FUT9: variants seen among roughly 807,000 people sequenced by gnomAD.
The protein encoded by FUT9 is fucosyltransferase 9, also known as 4-galactosyl-N-acetylglucosaminide 3-alpha-L-fucosyltransferase 9.
A neutral mutation model predicts 29.7 loss-of-function variants in FUT9; 15 were observed. That is an observed-to-expected ratio of 0.51 (90% CI 0.34 to 0.78). The LOEUF is 0.78. FUT9 is among the 30% of genes least tolerant of loss of function. FUT9 has a pLI of 0.01. For synonymous variants in FUT9, 169 were observed against 153.7 expected, an observed-to-expected ratio of 1.10 and a Z score of -0.74; for missense variants, 319 against 425.4, an observed-to-expected ratio of 0.75 and a Z score of 2.20.
At chr6:96,200,988 T>A (rs975487080) in intron 2 of FUT9, among the ~76,000 whole-genome samples, 8 of 152,036 alleles carry the variant, frequency 5.3e-5, no homozygotes, top group South Asian at 4.1e-4. Flanking sequence ...TTTTTTTTTT[T>A]AAACAAAGTC....
intron 2 of FUT9, among the ~76,000 whole-genome samples, chr6:96,153,129 T>A (rs993907671): frequency 1.4e-5 from 2 of 147,430 alleles, no homozygotes; most frequent in Admixed American, 6.7e-5. Context: ...GATATAAAAT[T>A]GGGGTACTTA....
chr6:96,026,337 A>G (rs1185872371), intron 1 of FUT9, among the ~76,000 whole-genome samples: 1 of 151,678 alleles, frequency 6.6e-6, no homozygotes, highest in Non-Finnish European at 1.5e-5. Flanking sequence ...TAAGATAGAA[A>G]ATAAGAAGGA....
At chr6:96,066,458 A>AACCACAAGTATGATATTATCATTTGGT (rs1770963620) in intron 1 of FUT9, among the ~76,000 whole-genome samples, 1 of 152,050 alleles carries the variant, frequency 6.6e-6, no homozygotes, top group Non-Finnish European at 1.5e-5. Flanking sequence ...TGGCTTATTT[A>AACCACAAGTATGATATTATCATTTGGT]ACCACAAGTA....
At chr6:96,160,218 C>A (rs895294187) in intron 2 of FUT9, among the ~76,000 whole-genome samples, 2 of 152,090 alleles carry the variant, frequency 1.3e-5, no homozygotes, top group Non-Finnish European at 2.9e-5. Context: ...CTGGGAATTC[C>A]GAAATCTGTG....
At chr6:96,109,092 T>G (rs903592236) in intron 1 of FUT9, among the ~76,000 whole-genome samples, 1 of 152,220 alleles carries the variant, frequency 6.6e-6, no homozygotes. Flanking sequence ...CATGACCTCT[T>G]TTGGCAGCAA....
intron 1 of FUT9, among the ~76,000 whole-genome samples, chr6:96,071,091 A>G (rs1437945287): frequency 6.6e-6 from 1 of 152,242 alleles, no homozygotes; most frequent in Non-Finnish European, 1.5e-5. Flanking sequence ...CATATTGGAT[A>G]AAAATTCTTT....
intron 1 of FUT9, among the ~76,000 whole-genome samples, chr6:96,098,171 T>A (rs1215685408): frequency 6.6e-6 from 1 of 152,124 alleles, no homozygotes; most frequent in African/African-American, 2.4e-5. Flanking sequence ...TTTTAGTTGC[T>A]TCTTAGATCT....
At position 96,213,184 on chromosome 6, in the gene FUT9, G is replaced by C. The variant is rs1486416737; in HGVS notation, c.*8949G>C. 1 of 166,868 alleles carries C rather than the reference G, an allele frequency of 6.0e-6. No individual in the cohort carries two copies. The highest frequency in any genetic ancestry group is 1.5e-5 in the Non-Finnish European group (1 of 68,010). The allele number at this position is 166,868 out of a possible 1,614,324, so 10.3% of individuals were successfully genotyped here. ...AATGTGTAATTGCTTCAGGAGCTCT[G>C]AATAAAAGGTTGCTGAAGCAAAATA... is the stretch of plus-strand genomic sequence containing the variant. On this transcript the variant is annotated 3_prime_UTR_variant, in exon 3 of 3. Transcript: ENST00000302103.
At position 96,152,722 on chromosome 6, in the gene FUT9, A is replaced by T. The variant is rs150096632; in HGVS notation, c.-9+38595A>T. On this transcript the variant is annotated intron_variant, in intron 2 of 2. Transcript: ENST00000302103. ...CTCTATGTAGTCATTTTGGACTATG[A>T]TTTGTTGTAAGACTTTGCCTACGAA... Among the ~76,000 whole-genome samples the T allele has an allele frequency of 9.8e-4, 150 of 152,314 alleles. 1 individual carries two copies. The highest frequency in any genetic ancestry group is 7.2e-3 in the East Asian group (37 of 5,174).
intron 2 of FUT9, among the ~76,000 whole-genome samples, chr6:96,122,847 C>T (rs1182051882): frequency 6.6e-6 from 1 of 151,824 alleles, no homozygotes. Flanking sequence ...GAGATCGAGA[C>T]CATCCTGCCT....
intron 2 of FUT9, among the ~76,000 whole-genome samples, chr6:96,144,387 G>C (rs1772525992): frequency 6.6e-6 from 1 of 152,158 alleles, no homozygotes; most frequent in African/African-American, 2.4e-5. Context: ...TGATATTCTA[G>C]ATTGAAACAA....
intron 1 of FUT9, among the ~76,000 whole-genome samples, chr6:96,018,567 G>T (rs1345916922): frequency 6.6e-6 from 1 of 151,928 alleles, no homozygotes; most frequent in Non-Finnish European, 1.5e-5. Flanking sequence ...ATATTGGAAT[G>T]GCATATCTTT....
At chr6:96,071,638 A>G (rs1771064605) in intron 1 of FUT9, among the ~76,000 whole-genome samples, 1 of 152,198 alleles carries the variant, frequency 6.6e-6, no homozygotes, top group African/African-American at 2.4e-5. Flanking sequence ...AAGCTATGGC[A>G]GTTTAACCAT....
intron 1 of FUT9, among the ~76,000 whole-genome samples, chr6:96,042,609 G>T (rs1770482080): frequency 6.6e-6 from 1 of 151,752 alleles, no homozygotes; most frequent in Admixed American, 6.6e-5. Context: ...TTTTACAGCT[G>T]TTTTTTTTAG....
intron 1 of FUT9, among the ~76,000 whole-genome samples, chr6:96,093,774 A>G (rs1481088240): frequency 6.6e-6 from 1 of 152,108 alleles, no homozygotes; most frequent in Non-Finnish European, 1.5e-5. Context: ...AGAACCTTAC[A>G]CACACCATCT....
intron 1 of FUT9, among the ~76,000 whole-genome samples, chr6:96,032,644 A>G (rs1770284105): frequency 1.3e-5 from 2 of 151,550 alleles, no homozygotes; most frequent in African/African-American, 4.8e-5. Flanking sequence ...CAGTAGGGGG[A>G]AATTTAATAC....
At chr6:96,187,702 T>G (rs1337828046) in intron 2 of FUT9, among the ~76,000 whole-genome samples, 1 of 152,170 alleles carries the variant, frequency 6.6e-6, no homozygotes, top group Non-Finnish European at 1.5e-5. Flanking sequence ...AATTCTTTAT[T>G]TTGTTTTAAG....
chr6:96,026,061 A>T (rs200634713), intron 1 of FUT9, among the ~76,000 whole-genome samples: 15 of 151,706 alleles, frequency 9.9e-5, no homozygotes, highest in African/African-American at 3.6e-4. Flanking sequence ...TCTTTGTTCC[A>T]GAAGATACTA....
intron 1 of FUT9, among the ~76,000 whole-genome samples, chr6:96,066,057 GTATTTGTGCAGCTAAA>G (rs2127945881): frequency 6.6e-6 from 1 of 152,170 alleles, no homozygotes; most frequent in South Asian, 2.1e-4. Context: ...CACTTGCCAG[GTATTTGTGCAGCTAAA>G]TGACTCAGGT....
Sources: gnomAD v4.1 joint callset for allele counts (sites outside exome capture counted in the v4.1 genomes callset) on GRCh38, gnomAD v4.1.1 for gene constraint, MANE v1.5 for transcripts, NCBI Gene and HGNC (gene_info 2026-07-23, HGNC 2026-07-21) for gene names.